Variants in NDUFAF6 observed in about 807,000 individuals in gnomAD.
The protein encoded by NDUFAF6 is NADH:ubiquinone oxidoreductase complex assembly factor 6.
A neutral mutation model predicts 40.8 loss-of-function variants in NDUFAF6; 45 were observed. The observed-to-expected ratio is 1.10, with a 90% CI of 0.87 to 1.42. NDUFAF6 has a LOEUF of 1.42. Among genes scored for constraint, NDUFAF6 ranks in the 40% most tolerant of loss-of-function variants. NDUFAF6 has a pLI of 0.00. For missense variants in NDUFAF6, 435 were observed against 418.5 expected, an observed-to-expected ratio of 1.04 and a Z score of -0.34; for synonymous variants, 185 against 155.9, an observed-to-expected ratio of 1.19 and a Z score of -1.39.
chr8:94,997,002 T>A (rs1826460244), intron 2 of NDUFAF6, among the ~76,000 whole-genome samples: 1 of 152,188 alleles, frequency 6.6e-6, no homozygotes, highest in South Asian at 2.1e-4. Flanking sequence ...TATGGCAGCC[T>A]GAGCTGACTA....
chr8:95,079,118 T>C (rs2678840), downstream of NDUFAF6, among the ~76,000 whole-genome samples: 91,469 of 151,850 alleles, frequency 0.6, 27,918 homozygotes, highest in East Asian at 0.77. Flanking sequence ...ATTACAGGCA[T>C]GTGCCACCAT....
intron 5 of NDUFAF6, chr8:95,115,832 A>G: frequency 6.6e-6 from 1 of 152,380 alleles, no homozygotes; most frequent in Non-Finnish European, 1.5e-5. Flanking sequence ...TTGTTCAGGC[A>G]GGTGCCCTAA....
chr8:94,902,859 C>T (rs1818118808), intron 1 of NDUFAF6, among the ~76,000 whole-genome samples: 1 of 151,882 alleles, frequency 6.6e-6, no homozygotes. Context: ...CCACGCCCAG[C>T]TAATTTTTAT....
chr8:94,951,940 C>T lies in NDUFAF6; in HGVS notation c.-798-6055C>T, dbSNP rs532594303. ...TGCAAGCAAGCTTTTCATCTGTTCA[C>T]TGACAAAGACCCAGCCAGGTTCCCT... On this transcript the variant is annotated intron_variant, in intron 2 of 14. Coordinates refer to the NDUFAF6 transcript ENST00000396113. 1.9e-3 allele frequency among the ~76,000 whole-genome samples: 290 copies of T among 152,328 alleles called. 3 individuals carry two copies. The highest frequency in any genetic ancestry group is 9.3e-4 in the Non-Finnish European group (63 of 68,018).
chr8:94,951,296 C>T (rs964551003), intron 2 of NDUFAF6: 2 of 152,254 alleles, frequency 1.3e-5, no homozygotes, highest in Non-Finnish European at 2.9e-5. Context: ...GTTCCAGCTC[C>T]AGCAGACACC....
chr8:94,970,710 G>A (rs1824398046), intron 1 of NDUFAF6, among the ~76,000 whole-genome samples: 1 of 152,234 alleles, frequency 6.6e-6, no homozygotes, highest in African/African-American at 2.4e-5. Flanking sequence ...TGCTTGGGAA[G>A]AATTTATGGT....
intron 2 of NDUFAF6, among the ~76,000 whole-genome samples, chr8:95,010,862 C>T (rs1020215632): frequency 6.6e-6 from 1 of 152,088 alleles, no homozygotes; most frequent in African/African-American, 2.4e-5. Flanking sequence ...GAGTAAAGGC[C>T]GTCAAGACAA....
chr8:94,948,389 G>C (rs559256927), intron 2 of NDUFAF6, among the ~76,000 whole-genome samples: 2 of 152,294 alleles, frequency 1.3e-5, no homozygotes, highest in African/African-American at 4.8e-5. Flanking sequence ...ATAGTATATG[G>C]CACATACTCA....
chr8:94,932,356 T>G (rs1410818983), intron 1 of NDUFAF6, among the ~76,000 whole-genome samples: 1 of 152,224 alleles, frequency 6.6e-6, no homozygotes, highest in Non-Finnish European at 1.5e-5. Context: ...TGCTTTATGG[T>G]AATATCCCCA....
chr8:95,019,226 T>C (rs1243453493), intron 2 of NDUFAF6, among the ~76,000 whole-genome samples: 1 of 152,206 alleles, frequency 6.6e-6, no homozygotes. Flanking sequence ...GGCCAGGCTG[T>C]CTCAAACTCC....
At chr8:94,931,642 C>T (rs1396984115) in intron 1 of NDUFAF6, among the ~76,000 whole-genome samples, 1 of 151,156 alleles carries the variant, frequency 6.6e-6, no homozygotes, top group Non-Finnish European at 1.5e-5. Flanking sequence ...TTTTAAGAGG[C>T]CACAATAAGA....
At chr8:95,037,017 A>C (rs1563813137) in intron 3 of NDUFAF6, among the ~76,000 whole-genome samples, 1 of 152,208 alleles carries the variant, frequency 6.6e-6, no homozygotes. Flanking sequence ...AGGAGATTAA[A>C]TAGAGGGAAC....
intron 9 of NDUFAF6, chr8:95,071,937 G>C (rs1485266591): frequency 6.6e-6 from 1 of 152,466 alleles, no homozygotes; most frequent in Non-Finnish European, 1.5e-5. Context: ...GAGGAGGTGA[G>C]CTGCGCTGGC....
At chr8:94,910,686 C>T (rs973864791) in intron 1 of NDUFAF6, among the ~76,000 whole-genome samples, 2 of 152,206 alleles carry the variant, frequency 1.3e-5, no homozygotes, top group Admixed American at 1.3e-4. Context: ...ACAATAGGAA[C>T]AGCTCAGTCT....
downstream of NDUFAF6, among the ~76,000 whole-genome samples, chr8:95,105,983 A>G (rs1233486081): frequency 1.3e-5 from 2 of 150,822 alleles, no homozygotes; most frequent in African/African-American, 4.9e-5. Flanking sequence ...GTCTTTAAAA[A>G]TATGTGTATG....
At chr8:95,059,597 C>T (rs1012316081), downstream of NDUFAF6, among the ~76,000 whole-genome samples, 1 of 152,104 alleles carries the variant, frequency 6.6e-6, no homozygotes. Flanking sequence ...GCCTGTCATC[C>T]CAACACTTTG....
At chr8:95,085,925 A>G (rs908970912) in intron 2 of NDUFAF6, among the ~76,000 whole-genome samples, 1 of 152,216 alleles carries the variant, frequency 6.6e-6, no homozygotes, top group African/African-American at 2.4e-5. Flanking sequence ...AACTCTGATC[A>G]TGATCTATTC....
intron 1 of NDUFAF6, among the ~76,000 whole-genome samples, chr8:94,973,133 T>C (rs572184715): frequency 6.6e-6 from 1 of 152,166 alleles, no homozygotes; most frequent in East Asian, 1.9e-4. Flanking sequence ...ATAATTACCA[T>C]GTGATTAGGA....
chr8:95,037,295 T>C (rs1017672472), intron 3 of NDUFAF6, among the ~76,000 whole-genome samples: 3 of 152,254 alleles, frequency 2.0e-5, no homozygotes, highest in African/African-American at 7.2e-5. Flanking sequence ...TCCGATTTCC[T>C]TCTGAATCAG....
Sources: allele counts gnomAD v4.1 joint callset (sites outside exome capture counted in the v4.1 genomes callset), GRCh38; gene constraint gnomAD v4.1.1; transcripts MANE v1.5; gene names NCBI Gene and HGNC (gene_info 2026-07-23, HGNC 2026-07-21).